The following AFG2A variants were observed in gnomAD, a reference collection of about 807,000 sequenced individuals.
AFG2A encodes the protein AAA ATPase AFG2A.
chr4:123,197,552 G>A, the AFG2A span, among the ~76,000 whole-genome samples: 1 of 152,018 alleles, frequency 6.6e-6, no homozygotes, highest in Admixed American at 6.6e-5. Context: ...GGCAAATCAT[G>A]AGGTCAGGAG....
chr4:122,934,001 G>T, the AFG2A span: 1 of 1,336,846 alleles, frequency 7.5e-7, no homozygotes. Flanking sequence ...CTTTGATTTA[G>T]TCTTTTCAGA....
the AFG2A span, chr4:122,947,366 A>T: frequency 6.2e-7 from 1 of 1,614,124 alleles, no homozygotes; most frequent in South Asian, 1.1e-5. Context: ...GACCGGCTAG[A>T]TATTCTCCAG....
chr4:123,192,552 C>G, the AFG2A span, among the ~76,000 whole-genome samples: 2 of 152,096 alleles, frequency 1.3e-5, no homozygotes, highest in Non-Finnish European at 2.9e-5. Context: ...TTCACAGTAG[C>G]CATATTTTAA....
chr4:123,205,038 C>G, the AFG2A span, among the ~76,000 whole-genome samples: 1 of 152,100 alleles, frequency 6.6e-6, no homozygotes, highest in East Asian at 1.9e-4. Context: ...AAGAATTTGT[C>G]AAGAAATTGA....
chr4:122,962,550 G>A, the AFG2A span, among the ~76,000 whole-genome samples: 1 of 152,154 alleles, frequency 6.6e-6, no homozygotes, highest in African/African-American at 2.4e-5. Flanking sequence ...AAAAAGAGGT[G>A]GTAGTTTTGA....
At chr4:122,939,722 C>T in the AFG2A span, among the ~76,000 whole-genome samples, 1 of 151,766 alleles carries the variant, frequency 6.6e-6, no homozygotes, top group African/African-American at 2.4e-5. Flanking sequence ...TGATGGTGTG[C>T]TGCACCCATT....
the AFG2A span, among the ~76,000 whole-genome samples, chr4:123,276,589 A>G: frequency 6.6e-6 from 1 of 152,056 alleles, no homozygotes; most frequent in African/African-American, 2.4e-5. Flanking sequence ...CTCCTATGTT[A>G]TCTTCCAGGG....
the AFG2A span, among the ~76,000 whole-genome samples, chr4:123,166,522 T>G: frequency 6.6e-6 from 1 of 152,218 alleles, no homozygotes; most frequent in Admixed American, 6.5e-5. Flanking sequence ...AATCAAAATT[T>G]GAAGCTACAA....
the AFG2A span, among the ~76,000 whole-genome samples, chr4:123,157,418 T>C: frequency 6.6e-6 from 1 of 152,224 alleles, no homozygotes; most frequent in African/African-American, 2.4e-5. Flanking sequence ...CTAGGCCACC[T>C]CTACCCCCTA....
At chr4:123,027,592 C>A in the AFG2A span, among the ~76,000 whole-genome samples, 1 of 152,212 alleles carries the variant, frequency 6.6e-6, no homozygotes, top group South Asian at 2.1e-4. Context: ...ATAGTTAGTT[C>A]TTTAACGCAT....
chr4:122,996,747 C>T, the AFG2A span, among the ~76,000 whole-genome samples: 1 of 152,020 alleles, frequency 6.6e-6, no homozygotes, highest in Non-Finnish European at 1.5e-5. Flanking sequence ...CAGTCCAAGT[C>T]CCAGGGTCTC....
At chr4:122,947,334 G>T in the AFG2A span, 2 of 1,613,986 alleles carry the variant, frequency 1.2e-6, no homozygotes, top group African/African-American at 2.7e-5. Context: ...AAGAGATTGA[G>T]ATTGGAGTTC....
the AFG2A span, among the ~76,000 whole-genome samples, chr4:122,995,910 G>T: frequency 1.3e-5 from 2 of 152,188 alleles, no homozygotes; most frequent in African/African-American, 4.8e-5. Flanking sequence ...TAGGGTTAAC[G>T]TGGTTCTTTT....
chr4:122,997,363 G>A, the AFG2A span, among the ~76,000 whole-genome samples: 1 of 152,096 alleles, frequency 6.6e-6, no homozygotes, highest in African/African-American at 2.4e-5. Flanking sequence ...TGCCTGTTCT[G>A]TACATTTTCT....
At chr4:123,001,943 C>T in the AFG2A span, among the ~76,000 whole-genome samples, 1 of 152,144 alleles carries the variant, frequency 6.6e-6, no homozygotes, top group South Asian at 2.1e-4. Flanking sequence ...GTGTCTAAGT[C>T]TCTTTGTAGG....
the AFG2A span, chr4:123,317,751 T>TA: frequency 6.6e-6 from 1 of 152,130 alleles, no homozygotes; most frequent in African/African-American, 2.4e-5. Flanking sequence ...ACTGTGGCAA[T>TA]AAAAAATAAT....
At chr4:123,101,395 T>C in the AFG2A span, among the ~76,000 whole-genome samples, 1 of 151,958 alleles carries the variant, frequency 6.6e-6, no homozygotes, top group African/African-American at 2.4e-5. Flanking sequence ...AGCAGACTTA[T>C]ATTCATTCAT....
chr4:123,007,565 TA>T, the AFG2A span, among the ~76,000 whole-genome samples: 1 of 33,078 alleles, frequency 3.0e-5, no homozygotes, highest in African/African-American at 1.1e-4. Flanking sequence ...TGTGTGTGTG[TA>T]TATGTGTGTG....
the AFG2A span, among the ~76,000 whole-genome samples, chr4:123,272,791 C>T: frequency 6.6e-6 from 1 of 151,806 alleles, no homozygotes; most frequent in African/African-American, 2.4e-5. Context: ...GTGGATATCT[C>T]CTTTCAAGAA....
Sources: allele counts gnomAD v4.1 joint callset (sites outside exome capture counted in the v4.1 genomes callset), GRCh38; gene constraint gnomAD v4.1.1; transcripts MANE v1.5; gene names NCBI Gene and HGNC (gene_info 2026-07-23, HGNC 2026-07-21).